Variants in DYSF observed in about 807,000 individuals in gnomAD.
DYSF encodes dysferlin, also known as dystrophy-associated fer-1-like 1.
A neutral mutation model predicts 274.9 loss-of-function variants in DYSF; 212 were observed. That is an observed-to-expected ratio of 0.77 (90% CI 0.69 to 0.86). The LOEUF (loss-of-function observed/expected upper bound fraction) is 0.86, where lower values mean the gene tolerates loss of function less well. Among genes scored for constraint, DYSF ranks in the 40% least tolerant of loss-of-function variants. The pLI, the probability that DYSF is intolerant of heterozygous loss-of-function variation, is 0.00. For synonymous variants in DYSF, 1,091 were observed against 1,078.7 expected, an observed-to-expected ratio of 1.01 and a Z score of -0.22; for missense variants, 2,666 against 2,783.2, an observed-to-expected ratio of 0.96 and a Z score of 0.95.
intron 32 of DYSF, among the ~76,000 whole-genome samples, chr2:71,593,125 CTTTTTTTTTTTTT>C (rs35900869): frequency 1.2e-5 from 1 of 85,564 alleles, no homozygotes; most frequent in Non-Finnish European, 2.2e-5. Context: ...TCAGTGACTT[CTTTTTTTTTTTTT>C]TTTTTTTTTT....
chr2:71,490,967 G>A (rs973996760), intron 3 of DYSF, among the ~76,000 whole-genome samples: 13 of 151,926 alleles, frequency 8.6e-5, no homozygotes, highest in South Asian at 4.2e-4. Context: ...AGGATAGGTC[G>A]TTAGAAGTGG....
chr2:71,456,745 G>A (rs72842809), intron 1 of DYSF, among the ~76,000 whole-genome samples: 1 of 152,184 alleles, frequency 6.6e-6, no homozygotes, highest in Non-Finnish European at 1.5e-5. Flanking sequence ...GAAGGAGCCT[G>A]GCCAAGGTCA....
At chr2:71,531,583 C>T (rs980696857) in intron 14 of DYSF, among the ~76,000 whole-genome samples, 8 of 151,692 alleles carry the variant, frequency 5.3e-5, no homozygotes, top group African/African-American at 1.9e-4. Flanking sequence ...TGGTACTGCA[C>T]AGGACACGTA....
chr2:71,513,674 G>T (rs2086341351), intron 6 of DYSF, 42 bp from the exon 7 acceptor site: 1 of 1,606,710 alleles, frequency 6.2e-7, no homozygotes, highest in Non-Finnish European at 8.5e-7. Context: ...GCAGGGGCAG[G>T]GCCAGAGGGA....
intron 30 of DYSF, among the ~76,000 whole-genome samples, chr2:71,579,327 A>G (rs1378370806): frequency 6.6e-6 from 1 of 152,106 alleles, no homozygotes; most frequent in Non-Finnish European, 1.5e-5. Flanking sequence ...TGGGCCTGGC[A>G]GGGAGGGGAG....
intron 47 of DYSF, among the ~76,000 whole-genome samples, chr2:71,666,129 C>G (rs1168000143): frequency 6.6e-6 from 1 of 152,146 alleles, no homozygotes; most frequent in African/African-American, 2.4e-5. Context: ...AGCCCTGCCC[C>G]CCTTCATTCC....
intron 27 of DYSF, 31 bp downstream of exon 27, chr2:71,569,965 C>G: frequency 5.6e-6 from 9 of 1,599,900 alleles, no homozygotes; most frequent in Non-Finnish European, 7.7e-6. Context: ...CAGGTGGGGT[C>G]TAGACATTTG....
At chr2:71,617,831 TATAAGTGTGTGTGGTAGAGATGGG>T (rs2093933514) in intron 40 of DYSF, among the ~76,000 whole-genome samples, 1 of 75,952 alleles carries the variant, frequency 1.3e-5, no homozygotes. Flanking sequence ...AGAGGTGGGG[TATAAGTGTGTGTGGTAGAGATGGG>T]GTGTGTGTGT....
At chr2:71,467,667 A>G (rs1439630346) in intron 1 of DYSF, among the ~76,000 whole-genome samples, 1 of 152,162 alleles carries the variant, frequency 6.6e-6, no homozygotes, top group African/African-American at 2.4e-5. Flanking sequence ...GAAAGGGAAG[A>G]GGAAGGATCT....
chr2:71,478,531 T>C (rs1246906790), intron 1 of DYSF, among the ~76,000 whole-genome samples: 1 of 152,132 alleles, frequency 6.6e-6, no homozygotes, highest in East Asian at 1.9e-4. Flanking sequence ...CAATAATTTT[T>C]AAGAGTGACA....
At chr2:71,643,424 G>T (rs1290069446) in intron 41 of DYSF, among the ~76,000 whole-genome samples, 1 of 152,196 alleles carries the variant, frequency 6.6e-6, no homozygotes, top group Non-Finnish European at 1.5e-5. Flanking sequence ...ACTCTGCCTT[G>T]ATTTGACCTT....
At chr2:71,680,858 C>G (rs949433523) in intron 53 of DYSF, 143 bp from the exon 54 acceptor site, 1 of 705,488 alleles carries the variant, frequency 1.4e-6, no homozygotes. Flanking sequence ...TTACAAAGAG[C>G]AGGTGCTGCT....
intron 42 of DYSF, among the ~76,000 whole-genome samples, chr2:71,653,960 A>G (rs2094719317): frequency 6.6e-6 from 1 of 152,164 alleles, no homozygotes; most frequent in Admixed American, 6.5e-5. Context: ...TCATAAATAT[A>G]ACATAAACAT....
chr2:71,678,342 TA>T (rs771194566), intron 52 of DYSF, among the ~76,000 whole-genome samples: 5 of 151,626 alleles, frequency 3.3e-5, no homozygotes, highest in South Asian at 2.1e-4. Flanking sequence ...TACTCAACCA[TA>T]AAAAAAATAC....
rs144383140 is a variant in DYSF at position 71,660,630 on chromosome 2, C to A, written c.4982C>A (p.Thr1661Lys). 2.2e-5 allele frequency: 35 copies of A among 1,613,910 alleles called. No homozygotes were observed. Among genetic ancestry groups the A allele is most frequent in the Non-Finnish European group, 6.8e-6 (8 of 1,179,904 alleles). Residue 1661 changes from threonine (T) to lysine (K), a missense_variant, in exon 45 of 56, where the codon ACG (threonine) becomes AAG (lysine). Coordinates refer to ENST00000410020, the MANE Select transcript of DYSF (RefSeq NM_001130987.2). ...GACCAGGATAACTACATCCCCTGCACGCTGGAGCCCGTATTTGGAAAGTAA... is the reference window on the plus strand; with the variant it reads ...GACCAGGATAACTACATCCCCTGCAAGCTGGAGCCCGTATTTGGAAAGTAA... ...VSDQDNYIPCTLEPVFGKMFE... is the reference protein window; with the variant it reads ...VSDQDNYIPCKLEPVFGKMFE...
At chr2:71,463,462 A>C (rs1420751255), upstream of DYSF, among the ~76,000 whole-genome samples, 1 of 152,096 alleles carries the variant, frequency 6.6e-6, no homozygotes, top group Non-Finnish European at 1.5e-5. Context: ...CACCCCACCA[A>C]CTTGGTAGGG....
rs537524095 is a variant in DYSF at position 71,516,681 on chromosome 2, G to A, written c.952-308G>A. Among the ~76,000 whole-genome samples, 15 of 152,332 alleles carry A rather than the reference G, an allele frequency of 9.8e-5. No homozygotes were observed. In the South Asian group the frequency reaches 3.1e-3, roughly 32 times the overall value. On this transcript the variant is annotated intron_variant, in intron 9 of 55. Transcript: ENST00000410020. ...TGGCTCTTCCCCCATCTCCTCTGAA[G>A]CGCACTGCAGCCTAGTGGCTCTAAG...
intron 52 of DYSF, among the ~76,000 whole-genome samples, chr2:71,677,893 G>T (rs893127356): frequency 3.3e-5 from 5 of 152,116 alleles, no homozygotes; most frequent in African/African-American, 1.2e-4. Context: ...GTGTGCTAAC[G>T]TTCACTGCAA....
At chr2:71,617,804 A>G (rs1449724865) in intron 40 of DYSF, among the ~76,000 whole-genome samples, 3 of 40,526 alleles carry the variant, frequency 7.4e-5, no homozygotes, top group Non-Finnish European at 1.5e-4. Flanking sequence ...GAGGTGGGGT[A>G]TATGTGTGTG....
Sources: gnomAD v4.1 joint callset for allele counts (sites outside exome capture counted in the v4.1 genomes callset) on GRCh38, gnomAD v4.1.1 for gene constraint, MANE v1.5 for transcripts, NCBI Gene and HGNC (gene_info 2026-07-23, HGNC 2026-07-21) for gene names.